The following KIF5C variants were observed in gnomAD, a reference collection of about 807,000 sequenced individuals.
KIF5C encodes the protein kinesin family member 5C.
KIF5C carries 18 observed loss-of-function variants against 125.2 expected under a neutral mutation model. The observed-to-expected ratio is 0.14, with a 90% CI of 0.10 to 0.21. The LOEUF (loss-of-function observed/expected upper bound fraction) is 0.21. Among genes scored for constraint, KIF5C ranks in the 10% least tolerant of loss-of-function variants. The probability of loss-of-function intolerance (pLI) is 1.00; values close to 1 mark genes in which losing one functional copy is unlikely to be tolerated. For synonymous variants in KIF5C, 405 were observed against 434.0 expected, an observed-to-expected ratio of 0.93 and a Z score of 0.83; for missense variants, 780 against 1,183.8, an observed-to-expected ratio of 0.66 and a Z score of 5.01.
chr2:148,950,578 G>A (rs1256515790), intron 10 of KIF5C, 116 bp downstream of exon 10: 1 of 1,373,368 alleles, frequency 7.3e-7, no homozygotes, highest in African/African-American at 1.4e-5. Flanking sequence ...GGAGGCCAAG[G>A]CGGGTGGATT....
chr2:149,001,788 G>A lies in KIF5C; in HGVS notation c.2373+1006G>A, dbSNP rs1319693185. On this transcript the variant is annotated intron_variant, in intron 21 of 25. Coordinates refer to ENST00000435030, the MANE Select transcript of KIF5C (RefSeq NM_004522.3). ...CATGATTCAATGACAGAGAGAAACCGTTGGTTAGATACAGTCATCCATTTT... is the reference window on the plus strand; with the variant it reads ...CATGATTCAATGACAGAGAGAAACCATTGGTTAGATACAGTCATCCATTTT... 3.9e-5 allele frequency among the ~76,000 whole-genome samples: 6 copies of A among 152,212 alleles called. No homozygotes were observed. In the East Asian group the frequency reaches 5.8e-4, roughly 15 times the overall value.
chr2:148,999,730 G>A (rs1238461874), intron 19 of KIF5C, among the ~76,000 whole-genome samples: 3 of 152,378 alleles, frequency 2.0e-5, no homozygotes, highest in East Asian at 3.9e-4. Context: ...GTTAGGTGGA[G>A]GGGGAAGCTT....
At chr2:148,910,282 ATTTG>A (rs1375454372) in intron 1 of KIF5C, among the ~76,000 whole-genome samples, 1 of 152,210 alleles carries the variant, frequency 6.6e-6, no homozygotes, top group Non-Finnish European at 1.5e-5. Context: ...GCCTTTTATT[ATTTG>A]TTCTCACAAC....
chr2:148,992,333 G>A (rs771196567), intron 16 of KIF5C, among the ~76,000 whole-genome samples: 4 of 151,964 alleles, frequency 2.6e-5, no homozygotes, highest in Non-Finnish European at 5.9e-5. Flanking sequence ...GAAGCACCGT[G>A]GAAATCAGAA....
At chr2:148,936,944 TC>T (rs1232900803) in intron 3 of KIF5C, among the ~76,000 whole-genome samples, 2 of 152,312 alleles carry the variant, frequency 1.3e-5, no homozygotes, top group African/African-American at 4.8e-5. Flanking sequence ...ATATTCTCGT[TC>T]CTTCTCCTGC....
intron 23 of KIF5C, 64 bp downstream of exon 23, chr2:149,008,131 G>C (rs895186889): frequency 6.5e-7 from 1 of 1,530,744 alleles, no homozygotes; most frequent in Non-Finnish European, 8.8e-7. Flanking sequence ...GCCCCACCAG[G>C]TTTGGCCACA....
intron 1 of KIF5C, among the ~76,000 whole-genome samples, chr2:148,913,480 G>GA (rs1197103625): frequency 6.6e-6 from 1 of 152,106 alleles, no homozygotes; most frequent in South Asian, 2.1e-4. Context: ...TCTGAAGAGT[G>GA]AAAAAAAGTT....
chr2:148,949,184 C>G (rs1303144825), intron 8 of KIF5C, among the ~76,000 whole-genome samples: 1 of 152,156 alleles, frequency 6.6e-6, no homozygotes, highest in Non-Finnish European at 1.5e-5. Context: ...AAATTACCAG[C>G]AATAACGCAG....
chr2:149,022,308 C>A (rs1682555450), intron 25 of KIF5C, among the ~76,000 whole-genome samples: 1 of 152,116 alleles, frequency 6.6e-6, no homozygotes, highest in African/African-American at 2.4e-5. Context: ...AATGTTGAGA[C>A]TGTCAGGACT....
At chr2:148,965,083 C>T (rs187481560) in intron 11 of KIF5C, among the ~76,000 whole-genome samples, 34 of 152,048 alleles carry the variant, frequency 2.2e-4, no homozygotes, top group East Asian at 9.7e-4. Flanking sequence ...TCTGGCTTGC[C>T]GAGTTGGATG....
rs1233887473 is a variant in KIF5C, at chr2:148,962,107, A to G, written c.1105A>G (p.Arg369Gly). 6 of 1,607,432 alleles carry G rather than the reference A, an allele frequency of 3.7e-6. No homozygotes were observed. The highest frequency in any genetic ancestry group is 4.2e-6 in the Non-Finnish European group (5 of 1,176,696). ...VIQHLEMELN[R>G]WRNGEAVPED... ...CCAGCATCTGGAGATGGAGCTAAAC[A>G]GGTGGAGGAATGGTAAGGAAAAGTA... Residue 369 changes from arginine (R) to glycine (G), a missense_variant, in exon 11 of 26, where the codon AGG becomes GGG. Physicochemically the swap from Arg to Gly is moderately radical, Grantham distance 125. Around this residue, in one of 2 missense-constraint regions of KIF5C, gnomAD observed 573 missense variants for 742.6 expected, o/e 0.77. Coordinates refer to ENST00000435030, the MANE Select transcript of KIF5C (RefSeq NM_004522.3).
At chr2:148,882,658 C>A (rs148429289) in intron 1 of KIF5C, among the ~76,000 whole-genome samples, 3 of 152,190 alleles carry the variant, frequency 2.0e-5, no homozygotes, top group Admixed American at 2.0e-4. Flanking sequence ...AGCTCACCTG[C>A]ATGGCCTGTG....
chr2:148,901,930 C>T (rs146402577), intron 1 of KIF5C, among the ~76,000 whole-genome samples: 146 of 152,310 alleles, frequency 9.6e-4, no homozygotes, highest in African/African-American at 2.8e-3. Context: ...GAGGCCAGAA[C>T]ACTGGAACAA....
chr2:148,929,944 A>G (rs1180985407), intron 3 of KIF5C, among the ~76,000 whole-genome samples: 2 of 152,236 alleles, frequency 1.3e-5, no homozygotes, highest in African/African-American at 2.4e-5. Context: ...ATAAAATTCA[A>G]GCTTCACTGT....
chr2:148,967,113 G>A (rs1222641900), intron 11 of KIF5C, among the ~76,000 whole-genome samples: 1 of 152,150 alleles, frequency 6.6e-6, no homozygotes, highest in Non-Finnish European at 1.5e-5. Flanking sequence ...ACTACACTAA[G>A]CTTTAATTCC....
At chr2:148,999,421 T>C (rs1431054848) in intron 19 of KIF5C, among the ~76,000 whole-genome samples, 1 of 152,220 alleles carries the variant, frequency 6.6e-6, no homozygotes, top group Non-Finnish European at 1.5e-5. Flanking sequence ...AAGTCCCTTT[T>C]CAATGTGTGT....
At chr2:148,901,007 T>C (rs566541297) in intron 1 of KIF5C, among the ~76,000 whole-genome samples, 1 of 152,252 alleles carries the variant, frequency 6.6e-6, no homozygotes, top group African/African-American at 2.4e-5. Context: ...CCACATTGCA[T>C]TACAGTTACA....
chr2:148,955,746 C>T lies in KIF5C; in HGVS notation c.968+5284C>T, dbSNP rs1239235972. Reference sequence around the variant, plus strand: ...TGAAGAATGCTATACTCTCTATCCTCTCCTGCTCCCACAGTGGGAGAATCT... The same window carrying T: ...TGAAGAATGCTATACTCTCTATCCTTTCCTGCTCCCACAGTGGGAGAATCT... On this transcript the variant is annotated intron_variant, in intron 10 of 25. Coordinates refer to ENST00000435030, the MANE Select transcript of KIF5C (RefSeq NM_004522.3). Among the ~76,000 whole-genome samples the T allele has an allele frequency of 2.6e-5, 4 of 152,138 alleles. No homozygotes were observed. The East Asian group carries it at 7.7e-4, about 29-fold the overall frequency.
At chr2:148,949,630 A>C (rs2105112766) in intron 8 of KIF5C, among the ~76,000 whole-genome samples, 1 of 152,136 alleles carries the variant, frequency 6.6e-6, no homozygotes, top group South Asian at 2.1e-4. Context: ...TTCCACTAAA[A>C]CCCAATTGAG....
Sources: allele counts gnomAD v4.1 joint callset (sites outside exome capture counted in the v4.1 genomes callset), GRCh38; gene constraint gnomAD v4.1.1; regional missense constraint gnomAD v4.1.1; transcripts MANE v1.5; gene names NCBI Gene and HGNC (gene_info 2026-07-23, HGNC 2026-07-21).